The following RPF1 variants were observed in gnomAD, a reference collection of about 807,000 sequenced individuals.
RPF1 encodes the protein ribosome production factor 1.
A neutral mutation model predicts 41.9 loss-of-function variants in RPF1; 34 were observed. The observed-to-expected ratio is 0.81, with a 90% confidence interval of 0.62 to 1.08. The LOEUF (loss-of-function observed/expected upper bound fraction) is 1.08. Ranked by LOEUF, RPF1 falls within the 50% of genes least tolerant of loss-of-function variation. The probability of loss-of-function intolerance (pLI) is 0.00; values close to 1 mark genes in which losing one functional copy is unlikely to be tolerated. For synonymous variants in RPF1, 140 were observed against 148.9 expected, an observed-to-expected ratio of 0.94 and a Z score of 0.43; for missense variants, 425 against 435.2, an observed-to-expected ratio of 0.98 and a Z score of 0.21.
intron 3 of RPF1, among the ~76,000 whole-genome samples, chr1:84,489,157 G>A (rs1681788114): frequency 6.6e-6 from 1 of 152,012 alleles, no homozygotes; most frequent in African/African-American, 2.4e-5. Context: ...AGCAGGTATA[G>A]CCATAAAACT....
chr1:84,491,166 C>G (rs1263095315), intron 5 of RPF1, among the ~76,000 whole-genome samples: 1 of 152,062 alleles, frequency 6.6e-6, no homozygotes, highest in East Asian at 1.9e-4. Flanking sequence ...GGTATTTCTT[C>G]CTGTTGAGAT....
intron 3 of RPF1, 143 bp from the exon 4 acceptor site, chr1:84,489,490 A>C (rs920679515): frequency 2.8e-5 from 17 of 606,062 alleles, no homozygotes; most frequent in Non-Finnish European, 4.5e-5. Context: ...CGTGTCCATT[A>C]ATGTCAGTCC....
rs748211921 is a variant in RPF1 at position 84,480,937 on chromosome 1, T to C, written c.229-19T>C. ...CTGGTTGTTTCTCAGTATTGTTCTC[T>C]TTTTTTTTAACCCTTTAGGAAAAGT... is the stretch of plus-strand genomic sequence containing the variant. On this transcript the variant is annotated intron_variant, in intron 1 of 8. Coordinates refer to ENST00000370654, the MANE Select transcript of RPF1 (RefSeq NM_025065.7). 1.8e-5 allele frequency: 23 copies of C among 1,277,608 alleles called. No individual in the cohort carries two copies. The Admixed American group carries it at 4.3e-4, about 24-fold the overall frequency. 79.1% of individuals were successfully genotyped at this position (1,277,608 alleles called of 1,614,324 possible).
At chr1:84,493,210 C>T (rs950276089) in intron 5 of RPF1, among the ~76,000 whole-genome samples, 1 of 151,952 alleles carries the variant, frequency 6.6e-6, no homozygotes, top group South Asian at 2.1e-4. Flanking sequence ...ACTTTTATAT[C>T]TCCTAGACCC....
At chr1:84,488,317 A>C (rs574877384) in intron 3 of RPF1, among the ~76,000 whole-genome samples, 144 of 152,274 alleles carry the variant, frequency 9.5e-4, no homozygotes, top group African/African-American at 3.3e-3. Flanking sequence ...TTGACACATA[A>C]ATCTTGCTAG....
intron 3 of RPF1, chr1:84,483,247 T>C: frequency 2.2e-6 from 1 of 450,694 alleles, no homozygotes; most frequent in Non-Finnish European, 4.0e-6. Flanking sequence ...AATGGTATTT[T>C]GGAGGGTTTT....
chr1:84,492,247 A>G (rs1041135798), intron 5 of RPF1, among the ~76,000 whole-genome samples: 1 of 152,202 alleles, frequency 6.6e-6, no homozygotes, highest in Non-Finnish European at 1.5e-5. Context: ...ATGGGGGGAA[A>G]GTTGAAAAAA....
chr1:84,489,534 G>C (rs759497451), intron 3 of RPF1, 99 bp from the exon 4 acceptor site: 292 of 697,822 alleles, frequency 4.2e-4, no homozygotes, highest in Non-Finnish European at 7.0e-4. Context: ...CTATCAGCTA[G>C]ATACTCAGTG....
intron 1 of RPF1, among the ~76,000 whole-genome samples, chr1:84,479,923 C>T (rs1182371404): frequency 2.0e-5 from 3 of 152,158 alleles, no homozygotes; most frequent in African/African-American, 7.2e-5. Flanking sequence ...TTCTCTGATT[C>T]CTGCAGGAGC....
At chr1:84,495,554 G>A in intron 6 of RPF1, 99 bp downstream of exon 6, 1 of 633,330 alleles carries the variant, frequency 1.6e-6, no homozygotes, top group East Asian at 3.0e-5. Flanking sequence ...TTTTAATAAT[G>A]GCATTTGTTC....
chr1:84,483,514 G>T (rs775417135), intron 3 of RPF1, among the ~76,000 whole-genome samples: 1 of 152,140 alleles, frequency 6.6e-6, no homozygotes, highest in Non-Finnish European at 1.5e-5. Flanking sequence ...TGATCCGCCC[G>T]CTTTGGCCTC....
chr1:84,483,059 T>C (rs1180380113), intron 3 of RPF1, 64 bp downstream of exon 3: 4 of 1,090,342 alleles, frequency 3.7e-6, no homozygotes, highest in African/African-American at 1.6e-5. Flanking sequence ...ATATGTTTTT[T>C]TGTTGATATT....
chr1:84,492,602 A>AG lies in RPF1; in HGVS notation c.616+2130_616+2131insG, dbSNP rs1365417387. On this transcript the variant is annotated intron_variant, in intron 5 of 8. Coordinates refer to ENST00000370654, the MANE Select transcript of RPF1 (RefSeq NM_025065.7). ...ATCACATTAAATGTATTATGTTTAT[A>AG]AAGCATAGTGTCTGGCACATGGTAG... Among the ~76,000 whole-genome samples the AG allele has an allele frequency of 5.0e-4, 76 of 152,346 alleles. 1 individual carries two copies. The highest frequency in any genetic ancestry group is 1.8e-3 in the African/African-American group (76 of 41,576).
intron 5 of RPF1, among the ~76,000 whole-genome samples, chr1:84,493,067 C>G (rs930489802): frequency 2.0e-5 from 3 of 152,124 alleles, no homozygotes; most frequent in African/African-American, 7.2e-5. Context: ...TTGCACAATG[C>G]AGGTACATGG....
chr1:84,491,328 T>C (rs1681831970), intron 5 of RPF1, among the ~76,000 whole-genome samples: 1 of 152,188 alleles, frequency 6.6e-6, no homozygotes, highest in African/African-American at 2.4e-5. Flanking sequence ...AATAAAATTA[T>C]AAAGAATTTA....
Position 84,489,745 on chromosome 1 carries a change from AT to A in RPF1, c.462+20del. 1 of 1,354,204 alleles carries A rather than the reference AT, an allele frequency of 7.4e-7. No homozygotes were observed. 83.9% of individuals were successfully genotyped at this position (1,354,204 alleles called of 1,614,324 possible). The stretch of plus-strand genomic sequence containing the variant: ...CCTCATGGGGTAAACACATTGATTA[AT>A]TTAGTTCTTGAATTCTTAATTTTCT... On this transcript the variant is annotated intron_variant, in intron 4 of 8. Coordinates refer to ENST00000370654, the MANE Select transcript of RPF1 (RefSeq NM_025065.7).
At chr1:84,494,952 A>G (rs1224122822) in intron 5 of RPF1, among the ~76,000 whole-genome samples, 1 of 152,172 alleles carries the variant, frequency 6.6e-6, no homozygotes, top group African/African-American at 2.4e-5. Context: ...CAAATGTATA[A>G]AAGTGACATT....
At chr1:84,482,167 A>G (rs965447879) in intron 2 of RPF1, among the ~76,000 whole-genome samples, 8 of 152,174 alleles carry the variant, frequency 5.3e-5, no homozygotes, top group African/African-American at 1.4e-4. Context: ...TGCTAGTTTC[A>G]GTTTGTATTT....
intron 3 of RPF1, among the ~76,000 whole-genome samples, chr1:84,486,481 G>A (rs1182439378): frequency 1.3e-5 from 2 of 151,632 alleles, no homozygotes; most frequent in African/African-American, 2.4e-5. Flanking sequence ...CCAGCTACTC[G>A]GGAGGCTGAA....
Sources: gnomAD v4.1 joint callset for allele counts (sites outside exome capture counted in the v4.1 genomes callset) on GRCh38, gnomAD v4.1.1 for gene constraint, MANE v1.5 for transcripts, NCBI Gene and HGNC (gene_info 2026-07-23, HGNC 2026-07-21) for gene names.